Variants in NBAS observed in about 807,000 individuals in gnomAD.
NBAS encodes the protein NBAS subunit of NRZ tethering complex, also known as NAG/BC035112 fusion.
Under a neutral mutation model 302.5 loss-of-function variants are expected in NBAS, and 219 were observed. The observed-to-expected ratio is 0.72, with a 90% CI of 0.65 to 0.81. The LOEUF is 0.81. Among genes scored for constraint, NBAS ranks in the 30% least tolerant of loss-of-function variants. NBAS has a pLI of 0.00. For synonymous variants in NBAS, 1,118 were observed against 1,021.6 expected (o/e 1.09, Z -1.80); for missense variants, 2,932 against 2,841.6 (o/e 1.03, Z -0.72).
chr2:15,023,396 T>C, the NBAS span, among the ~76,000 whole-genome samples: 1 of 152,150 alleles, frequency 6.6e-6, no homozygotes, highest in East Asian at 1.9e-4. Context: ...ACTTATGAGT[T>C]CTTAAATCAT....
intron 30 of NBAS, among the ~76,000 whole-genome samples, chr2:15,376,376 A>G (rs983256999): frequency 1.3e-5 from 2 of 152,218 alleles, no homozygotes; most frequent in African/African-American, 2.4e-5. Context: ...GGCTTTTTAA[A>G]TGATCTCTGG....
At position 15,415,528 on chromosome 2, in the gene NBAS, A is replaced by G; in HGVS notation, c.2937+18T>C. The G allele has an allele frequency of 6.2e-7, 1 of 1,612,026 alleles. No individual in the cohort carries two copies. Among genetic ancestry groups the G allele is most frequent in the Non-Finnish European group, 8.5e-7 (1 of 1,178,130 alleles). Reference sequence around the variant, plus strand: ...GGGAAAAAGTGCCCAGAATTTTAAGAAGTTAGTTTCTACTTACATCTGGTT... The same window carrying G: ...GGGAAAAAGTGCCCAGAATTTTAAGGAGTTAGTTTCTACTTACATCTGGTT... On this transcript the variant is annotated intron_variant, in intron 25 of 51. Coordinates refer to ENST00000281513, the MANE Select transcript of NBAS (RefSeq NM_015909.4).
chr2:15,520,610 T>TA lies in NBAS; in HGVS notation c.747-9261dup, dbSNP rs905106004. The stretch of plus-strand genomic sequence containing the variant: ...ACAACTACTAACTTATGTCAGAGCA[T>TA]AAAAAAAAAAACAGACAATATGTAA... On this transcript the variant is annotated intron_variant, in intron 9 of 51. Coordinates refer to ENST00000281513, the MANE Select transcript of NBAS (RefSeq NM_015909.4). Among the ~76,000 whole-genome samples, 212 of 140,594 alleles carry TA rather than the reference T, an allele frequency of 1.5e-3. 1 individual carries two copies. Among genetic ancestry groups the TA allele is most frequent in the African/African-American group, 3.1e-3 (120 of 38,452 alleles). 92.2% of individuals were successfully genotyped at this position (140,594 alleles called of 152,430 possible). A position where few individuals can be genotyped will look rare whatever the true frequency, so the allele number is the denominator to read the frequency against.
intron 42 of NBAS, among the ~76,000 whole-genome samples, chr2:15,281,766 A>G (rs1401729067): frequency 6.6e-6 from 1 of 152,240 alleles, no homozygotes; most frequent in African/African-American, 2.4e-5. Flanking sequence ...TCCACAGGCT[A>G]TAAACATACC....
the NBAS span, among the ~76,000 whole-genome samples, chr2:14,974,434 C>T: frequency 6.6e-6 from 1 of 152,162 alleles, no homozygotes; most frequent in East Asian, 1.9e-4. Flanking sequence ...AATATATAGA[C>T]CTGACACTGT....
At chr2:15,193,919 A>G (rs1423270998) in intron 48 of NBAS, among the ~76,000 whole-genome samples, 1 of 152,140 alleles carries the variant, frequency 6.6e-6, no homozygotes, top group Non-Finnish European at 1.5e-5. Context: ...AAAATTCTGA[A>G]GAGTGGTAAA....
At chr2:15,275,400 AC>A in intron 44 of NBAS, 83 bp downstream of exon 44, 1 of 1,392,922 alleles carries the variant, frequency 7.2e-7, no homozygotes, top group Non-Finnish European at 9.8e-7. Flanking sequence ...AAGAAAGGAA[AC>A]AAAAATAAAA....
chr2:15,051,125 A>G, the NBAS span, among the ~76,000 whole-genome samples: 4 of 152,212 alleles, frequency 2.6e-5, no homozygotes, highest in South Asian at 6.2e-4. Flanking sequence ...GAGAGAATCA[A>G]TTATGGAGGA....
intron 50 of NBAS, among the ~76,000 whole-genome samples, chr2:15,183,402 T>C (rs956247172): frequency 3.3e-5 from 5 of 152,218 alleles, no homozygotes; most frequent in African/African-American, 1.2e-4. Context: ...ATCTTTTGTT[T>C]CATCAAATTA....
At chr2:15,145,273 T>A in the NBAS span, among the ~76,000 whole-genome samples, 3 of 152,066 alleles carry the variant, frequency 2.0e-5, no homozygotes, top group Admixed American at 2.0e-4. Flanking sequence ...AGATTTTGAG[T>A]GGCTTGCTTT....
the NBAS span, among the ~76,000 whole-genome samples, chr2:14,792,126 C>T: frequency 6.6e-6 from 1 of 152,122 alleles, no homozygotes; most frequent in African/African-American, 2.4e-5. Context: ...TCAGCATCAC[C>T]TGTTAACCCA....
chr2:15,196,626 C>A (rs1559042), intron 48 of NBAS, among the ~76,000 whole-genome samples: 1 of 151,942 alleles, frequency 6.6e-6, no homozygotes, highest in Admixed American at 6.5e-5. Flanking sequence ...GATGAATAAG[C>A]AGAATACAAT....
At chr2:15,433,738 G>T (rs1428735810) in intron 21 of NBAS, among the ~76,000 whole-genome samples, 3 of 152,226 alleles carry the variant, frequency 2.0e-5, no homozygotes, top group Middle Eastern at 6.8e-3. Flanking sequence ...TATTATAAAG[G>T]AGAACTAGTT....
chr2:15,527,627 G>A (rs568933268), intron 9 of NBAS, among the ~76,000 whole-genome samples: 21 of 152,212 alleles, frequency 1.4e-4, no homozygotes, highest in South Asian at 1.0e-3. Flanking sequence ...AAGTCCTAAC[G>A]GCCTCATCAT....
the NBAS span, among the ~76,000 whole-genome samples, chr2:15,063,995 CACAGAAGAAAGAGG>C: frequency 2.0e-5 from 3 of 152,076 alleles, no homozygotes; most frequent in Non-Finnish European, 4.4e-5. Context: ...GAAGCTGGGA[CACAGAAGAAAGAGG>C]GCAGTAGAAT....
the NBAS span, among the ~76,000 whole-genome samples, chr2:15,130,758 T>G: frequency 1.3e-5 from 2 of 152,222 alleles, no homozygotes; most frequent in Non-Finnish European, 2.9e-5. Context: ...AAGTCTCCGC[T>G]AAGCCATTCC....
the NBAS span, among the ~76,000 whole-genome samples, chr2:14,805,653 C>A: frequency 6.6e-6 from 1 of 152,140 alleles, no homozygotes; most frequent in African/African-American, 2.4e-5. Flanking sequence ...GTGGCCTGGA[C>A]AAGAGAGGGC....
intron 49 of NBAS, among the ~76,000 whole-genome samples, chr2:15,189,588 C>G (rs1486383635): frequency 6.6e-6 from 1 of 152,258 alleles, no homozygotes; most frequent in Middle Eastern, 3.4e-3. Flanking sequence ...CAGAGGAAAT[C>G]TGACCACTTC....
the NBAS span, among the ~76,000 whole-genome samples, chr2:15,140,474 CCAAGT>C: frequency 2.0e-4 from 31 of 152,328 alleles, 1 homozygote; most frequent in South Asian, 6.4e-3. Context: ...GTGACCTTAA[CCAAGT>C]CATTTAACTC....
Sources: gnomAD v4.1 joint callset for allele counts (sites outside exome capture counted in the v4.1 genomes callset) on GRCh38, gnomAD v4.1.1 for gene constraint, MANE v1.5 for transcripts, NCBI Gene and HGNC (gene_info 2026-07-23, HGNC 2026-07-21) for gene names.